Variants in CREB1 observed in about 807,000 individuals in gnomAD.
CREB1 encodes the protein cyclic AMP-responsive element-binding protein 1.
CREB1 carries 2 observed loss-of-function variants against 42.0 expected under a neutral mutation model. The observed-to-expected ratio is 0.05, with a 90% CI of 0.02 to 0.15. The LOEUF (loss-of-function observed/expected upper bound fraction) is 0.15. Among genes scored for constraint, CREB1 ranks in the 10% least tolerant of loss-of-function variants. The pLI is 1.00. For synonymous variants in CREB1, 123 were observed against 139.9 expected, an observed-to-expected ratio of 0.88 and a Z score of 0.85; for missense variants, 199 against 388.9, an observed-to-expected ratio of 0.51 and a Z score of 4.11.
At chr2:207,590,970 T>G (rs1014432052) in intron 7 of CREB1, among the ~76,000 whole-genome samples, 1 of 152,198 alleles carries the variant, frequency 6.6e-6, no homozygotes, top group Non-Finnish European at 1.5e-5. Context: ...TTGAGACTTC[T>G]TTTTTGACCT....
chr2:207,565,729 AAG>A (rs1224915831), intron 3 of CREB1, among the ~76,000 whole-genome samples: 1 of 152,154 alleles, frequency 6.6e-6, no homozygotes, highest in African/African-American at 2.4e-5. Context: ...TGGACACAGA[AAG>A]AGCCACAGAG....
intron 1 of CREB1, among the ~76,000 whole-genome samples, chr2:207,545,417 A>AG (rs2081265184): frequency 1.3e-5 from 2 of 152,102 alleles, no homozygotes; most frequent in South Asian, 2.1e-4. Context: ...TATGTTGGCC[A>AG]GCTGGTCACG....
chr2:207,571,022 C>CTTTTTTTTTTTTTTTTTTTT (rs71036933), intron 5 of CREB1, among the ~76,000 whole-genome samples: 3 of 68,418 alleles, frequency 4.4e-5, no homozygotes, highest in Non-Finnish European at 6.5e-5. Flanking sequence ...CTCTTTTTCC[C>CTTTTTTTTTTTTTTTTTTTT]TTTTTTTTTT....
chr2:207,550,015 A>G (rs1235119236), intron 1 of CREB1, among the ~76,000 whole-genome samples: 1 of 152,210 alleles, frequency 6.6e-6, no homozygotes, highest in Non-Finnish European at 1.5e-5. Flanking sequence ...AAGGCTTTCA[A>G]ACAGTTACCC....
At chr2:207,535,119 T>C (rs1345955617) in intron 1 of CREB1, among the ~76,000 whole-genome samples, 1 of 152,258 alleles carries the variant, frequency 6.6e-6, no homozygotes, top group African/African-American at 2.4e-5. Flanking sequence ...CTTGCCTTTA[T>C]TTCTTTAAAT....
In CREB1 at chr2:207,555,769, A is replaced by C; in HGVS notation, c.114+20A>C. 6.6e-7 allele frequency: 1 copy of C among 1,504,562 alleles called. No homozygotes were observed. Among genetic ancestry groups the C allele is most frequent in the Non-Finnish European group, 9.2e-7 (1 of 1,081,782 alleles). The allele number at this position is 1,504,562 out of a possible 1,614,324, so 93.2% of individuals were successfully genotyped here. On this transcript the variant is annotated intron_variant, in intron 2 of 7. Transcript: ENST00000353267. ...GCCCAGGTATAAAATACATGGAGAG[A>C]TTCCAGTTTGTGTCTCTTCCTAGAG...
In CREB1 at chr2:207,600,297, T is replaced by G. The variant is rs2106636851; in HGVS notation, c.*3239T>G. ...ATATAATCTAAAGCTCTGAGAGCTC[T>G]TAAGTCAGGAATGCTGAGTATTATA... On this transcript the variant is annotated 3_prime_UTR_variant, in exon 8 of 8. Coordinates refer to ENST00000353267, the MANE Select transcript of CREB1 (RefSeq NM_004379.5). 5.7e-6 allele frequency: 1 copy of G among 175,878 alleles called. No homozygotes were observed. The highest frequency in any genetic ancestry group is 2.4e-5 in the African/African-American group (1 of 42,042). 10.9% of individuals were successfully genotyped at this position (175,878 alleles called of 1,614,324 possible).
rs11356093 is a variant in CREB1 at position 207,545,731 on chromosome 2, CTTT to C, written c.-8-9882_-8-9880del. On this transcript the variant is annotated intron_variant, in intron 1 of 7. Transcript: ENST00000353267. ...AGTTGTACAGATTAAAGGAAGTGAA[CTTT>C]TTTTTTTTTTTTTTGTGAGATGGAG... 8.7e-3 allele frequency among the ~76,000 whole-genome samples: 1,188 copies of C among 136,864 alleles called. 15 individuals carry two copies. Among genetic ancestry groups the C allele is most frequent in the African/African-American group, 0.029 (1,095 of 37,464 alleles). 89.8% of individuals were successfully genotyped at this position (136,864 alleles called of 152,430 possible).
chr2:207,578,084 T>G (rs2082664556), intron 7 of CREB1: 1 of 160,418 alleles, frequency 6.2e-6, no homozygotes, highest in Non-Finnish European at 1.4e-5. Context: ...GGCCAGTTCA[T>G]GTTTTAATGA....
chr2:207,577,883 G>T lies in CREB1; in HGVS notation c.839+228G>T, dbSNP rs1016373648. On this transcript the variant is annotated intron_variant, in intron 7 of 7. Transcript: ENST00000353267. The stretch of plus-strand genomic sequence containing the variant: ...TCGTGGAGTAGTTTTCTTTCATGCA[G>T]TTTCCCCACAGGAGATTTAATGCAC... 16 of 497,334 alleles carry T rather than the reference G, an allele frequency of 3.2e-5. No individual in the cohort carries two copies. In the East Asian group the frequency reaches 5.3e-4, roughly 17 times the overall value. The allele number at this position is 497,334 out of a possible 1,614,324, so 30.8% of individuals were successfully genotyped here. A position where few individuals can be genotyped will look rare whatever the true frequency, so the allele number is the denominator to read the frequency against.
At chr2:207,542,667 G>A (rs1354731083) in intron 1 of CREB1, among the ~76,000 whole-genome samples, 1 of 151,836 alleles carries the variant, frequency 6.6e-6, no homozygotes. Flanking sequence ...TATGATTTCC[G>A]GTTCATCTAA....
chr2:207,565,801 A>G (rs921737902), intron 3 of CREB1, among the ~76,000 whole-genome samples: 2 of 152,160 alleles, frequency 1.3e-5, no homozygotes, highest in African/African-American at 2.4e-5. Flanking sequence ...TCACAGTACT[A>G]TCAACTTTGA....
At chr2:207,535,931 C>T (rs1211608393) in intron 1 of CREB1, among the ~76,000 whole-genome samples, 1 of 152,008 alleles carries the variant, frequency 6.6e-6, no homozygotes, top group African/African-American at 2.4e-5. Context: ...AGCCATCCTC[C>T]CATTTCAGCT....
chr2:207,575,777 TCTG>T (rs1462113820), intron 6 of CREB1, among the ~76,000 whole-genome samples: 2 of 152,224 alleles, frequency 1.3e-5, no homozygotes, highest in Admixed American at 1.3e-4. Flanking sequence ...ACTGCATGGA[TCTG>T]CTATGAGGCC....
chr2:207,585,271 C>T (rs905263560), intron 7 of CREB1, among the ~76,000 whole-genome samples: 2 of 152,172 alleles, frequency 1.3e-5, no homozygotes, highest in South Asian at 2.1e-4. Flanking sequence ...CACTGACAAC[C>T]GAAGCCTAAG....
At chr2:207,540,669 TAAAAAAA>T (rs35714520) in intron 1 of CREB1, among the ~76,000 whole-genome samples, 200 of 64,256 alleles carry the variant, frequency 3.1e-3, no homozygotes, top group Middle Eastern at 0.016. Flanking sequence ...GTTTAAAAAG[TAAAAAAA>T]AAAAAAAAAA....
chr2:207,550,049 A>T (rs1351174423), intron 1 of CREB1, among the ~76,000 whole-genome samples: 1 of 152,206 alleles, frequency 6.6e-6, no homozygotes, highest in African/African-American at 2.4e-5. Context: ...CAGGCACAAC[A>T]TAACTGTGTA....
At chr2:207,545,948 T>C (rs1398391428) in intron 1 of CREB1, among the ~76,000 whole-genome samples, 2 of 152,156 alleles carry the variant, frequency 1.3e-5, no homozygotes, top group Non-Finnish European at 2.9e-5. Context: ...TTGGCCAGGC[T>C]GGTCTTGAAC....
intron 7 of CREB1, among the ~76,000 whole-genome samples, chr2:207,595,042 G>A (rs1484935368): frequency 2.0e-5 from 3 of 148,314 alleles, no homozygotes; most frequent in Non-Finnish European, 3.0e-5. Flanking sequence ...TGTTGCCTAG[G>A]TAGAGTGCCG....
Sources: gnomAD v4.1 joint callset for allele counts (sites outside exome capture counted in the v4.1 genomes callset) on GRCh38, gnomAD v4.1.1 for gene constraint, MANE v1.5 for transcripts, NCBI Gene and HGNC (gene_info 2026-07-23, HGNC 2026-07-21) for gene names.